The following PRKAR1A variants were observed in gnomAD, a reference collection of about 807,000 sequenced individuals.
The protein encoded by PRKAR1A is protein kinase cAMP-dependent type I regulatory subunit alpha.
A neutral mutation model predicts 52.0 loss-of-function variants in PRKAR1A; 3 were observed. That is an observed-to-expected ratio of 0.06 (90% CI 0.03 to 0.15). The LOEUF (loss-of-function observed/expected upper bound fraction) is 0.15. Among genes scored for constraint, PRKAR1A ranks in the 10% least tolerant of loss-of-function variants. PRKAR1A has a pLI of 1.00. For synonymous variants in PRKAR1A, 188 were observed against 168.4 expected, an observed-to-expected ratio of 1.12 and a Z score of -0.90; for missense variants, 240 against 477.4, an observed-to-expected ratio of 0.50 and a Z score of 4.63.
chr17:68,427,145 G>A, the PRKAR1A span: 1 of 1,613,940 alleles, frequency 6.2e-7, no homozygotes, highest in Non-Finnish European at 8.5e-7. Flanking sequence ...CTGGCACCGT[G>A]GAGGCTGAAG....
At chr17:68,458,615 T>C in the PRKAR1A span, among the ~76,000 whole-genome samples, 31 of 152,330 alleles carry the variant, frequency 2.0e-4, no homozygotes, top group African/African-American at 5.3e-4. Flanking sequence ...CTTGAAGATA[T>C]AGCACAATTC....
At chr17:68,510,258 G>A (rs1347489172), upstream of PRKAR1A, among the ~76,000 whole-genome samples, 2 of 151,914 alleles carry the variant, frequency 1.3e-5, no homozygotes, top group East Asian at 3.9e-4. Flanking sequence ...CATGTTAGCT[G>A]TGTGGCCATG....
At chr17:68,509,314 C>T (rs1351085274), upstream of PRKAR1A, among the ~76,000 whole-genome samples, 1 of 152,108 alleles carries the variant, frequency 6.6e-6, no homozygotes, top group Non-Finnish European at 1.5e-5. Flanking sequence ...ATGCGTGGGT[C>T]ACCACATCTG....
chr17:68,465,625 A>ATTTTTTTTTTGTTTTTTT, the PRKAR1A span, among the ~76,000 whole-genome samples: 1 of 67,186 alleles, frequency 1.5e-5, no homozygotes, highest in Non-Finnish European at 2.8e-5. Context: ...ACGCCCAGCA[A>ATTTTTTTTTTGTTTTTTT]TTTTTTTTTT....
chr17:68,523,057 T>A, intron 3 of PRKAR1A, 131 bp downstream of exon 3: 1 of 1,125,342 alleles, frequency 8.9e-7, no homozygotes, highest in Non-Finnish European at 1.3e-6. Context: ...AATTCTTGGG[T>A]ACTGGAAAAC....
At chr17:68,450,188 G>T in the PRKAR1A span, among the ~76,000 whole-genome samples, 4 of 152,290 alleles carry the variant, frequency 2.6e-5, no homozygotes, top group Admixed American at 2.0e-4. Context: ...GTCTTCAAGG[G>T]TTAGCTGGGA....
intron 7 of PRKAR1A, among the ~76,000 whole-genome samples, chr17:68,526,725 G>T (rs1031501774): frequency 6.6e-5 from 10 of 152,138 alleles, no homozygotes; most frequent in African/African-American, 2.2e-4. Context: ...ATGAGAACAC[G>T]TGGATACTAG....
the PRKAR1A span, among the ~76,000 whole-genome samples, chr17:68,492,903 A>C: frequency 3.9e-5 from 6 of 152,298 alleles, no homozygotes; most frequent in Non-Finnish European, 7.3e-5. Context: ...TTCTTTATCC[A>C]GTCTGTCATT....
At chr17:68,418,687 A>T in the PRKAR1A span, among the ~76,000 whole-genome samples, 1 of 152,156 alleles carries the variant, frequency 6.6e-6, no homozygotes, top group Admixed American at 6.5e-5. Context: ...AGGATGTGAT[A>T]AGAAGTCGTC....
At chr17:68,525,362 A>G (rs2085757389) in intron 6 of PRKAR1A, among the ~76,000 whole-genome samples, 1 of 152,122 alleles carries the variant, frequency 6.6e-6, no homozygotes, top group Non-Finnish European at 1.5e-5. Flanking sequence ...TTTCTTATTC[A>G]CAAATGAAAT....
chr17:68,530,465 C>T lies in PRKAR1A; in HGVS notation c.*16C>T, dbSNP rs757125870. On this transcript the variant is annotated 3_prime_UTR_variant, in exon 11 of 11. Transcript: ENST00000589228. Reference sequence around the variant, plus strand: ...GTCTGTCTGAAATCTGCCTCCTGTGCCTCCCTTTTCTCCTCTCCCCAATCC... The same window carrying T: ...GTCTGTCTGAAATCTGCCTCCTGTGTCTCCCTTTTCTCCTCTCCCCAATCC... 4.3e-6 allele frequency: 7 copies of T among 1,613,924 alleles called. No homozygotes were observed. The highest frequency in any genetic ancestry group is 5.9e-6 in the Non-Finnish European group (7 of 1,179,834).
At chr17:68,425,020 A>C in the PRKAR1A span, among the ~76,000 whole-genome samples, 27 of 152,230 alleles carry the variant, frequency 1.8e-4, no homozygotes, top group Non-Finnish European at 3.8e-4. Flanking sequence ...AGGAAGCCCC[A>C]GCAGGCTCTC....
the PRKAR1A span, among the ~76,000 whole-genome samples, chr17:68,432,492 T>C: frequency 3.3e-5 from 5 of 152,334 alleles, no homozygotes; most frequent in East Asian, 1.9e-4. Flanking sequence ...TGTTTGCCTA[T>C]AGTCCCAGCA....
the PRKAR1A span, among the ~76,000 whole-genome samples, chr17:68,451,406 C>CA: frequency 6.6e-6 from 1 of 152,172 alleles, no homozygotes; most frequent in South Asian, 2.1e-4. Flanking sequence ...TGCACTCCAG[C>CA]CTGGGCGACA....
chr17:68,419,017 C>CA, the PRKAR1A span, among the ~76,000 whole-genome samples: 3,279 of 112,900 alleles, frequency 0.029, 118 homozygotes, highest in African/African-American at 0.078. Flanking sequence ...ATAGCAAAGC[C>CA]AAAAAAAAAA....
At chr17:68,541,856 A>G (rs1410031270) in intron 11 of PRKAR1A, 3 of 1,130,878 alleles carry the variant, frequency 2.7e-6, no homozygotes, top group African/African-American at 1.6e-5. Flanking sequence ...CCCAGGATCA[A>G]TATGAAATGG....
the PRKAR1A span, among the ~76,000 whole-genome samples, chr17:68,456,727 TG>T: frequency 6.6e-6 from 1 of 152,060 alleles, no homozygotes; most frequent in Non-Finnish European, 1.5e-5. Flanking sequence ...GGGTGGGCGA[TG>T]TGAAAACAGC....
At chr17:68,492,857 GCTGC>G in the PRKAR1A span, among the ~76,000 whole-genome samples, 1 of 152,086 alleles carries the variant, frequency 6.6e-6, no homozygotes, top group Non-Finnish European at 1.5e-5. Flanking sequence ...CTTTTTTATG[GCTGC>G]ATAATATTCC....
chr17:68,500,880 T>C, the PRKAR1A span, among the ~76,000 whole-genome samples: 2,288 of 152,264 alleles, frequency 0.015, 25 homozygotes, highest in South Asian at 0.032. Flanking sequence ...AGTGCTCAGG[T>C]AAGGACACTA....
Sources: gnomAD v4.1 joint callset for allele counts (sites outside exome capture counted in the v4.1 genomes callset) on GRCh38, gnomAD v4.1.1 for gene constraint, MANE v1.5 for transcripts, NCBI Gene and HGNC (gene_info 2026-07-23, HGNC 2026-07-21) for gene names.